FAM3D: variants seen among roughly 807,000 people sequenced by gnomAD.
FAM3D encodes the protein FAM3 metabolism regulating signaling molecule D, also known as protein FAM3D.
A neutral mutation model predicts 29.8 loss-of-function variants in FAM3D; 26 were observed. The observed-to-expected ratio is 0.87, with a 90% CI of 0.64 to 1.21. The LOEUF is 1.21. Among genes scored for constraint, FAM3D ranks in the 50% most tolerant of loss-of-function variants. FAM3D has a pLI of 0.00. For synonymous variants in FAM3D, 115 were observed against 102.3 expected (o/e 1.12, Z -0.75); for missense variants, 253 against 290.9 (o/e 0.87, Z 0.95).
At chr3:58,646,555 C>T (rs1288132570) in intron 4 of FAM3D, among the ~76,000 whole-genome samples, 1 of 152,162 alleles carries the variant, frequency 6.6e-6, no homozygotes, top group Non-Finnish European at 1.5e-5. Context: ...CTTTTTAGCA[C>T]CCGCTGACAG....
At chr3:58,639,517 C>CCATCTCCTGTTGCCCCTGTCCT (rs2066268425) in intron 7 of FAM3D, among the ~76,000 whole-genome samples, 1 of 152,188 alleles carries the variant, frequency 6.6e-6, no homozygotes, top group African/African-American at 2.4e-5. Context: ...TGGCCTGTCC[C>CCATCTCCTGTTGCCCCTGTCCT]CATCTCCTGT....
At chr3:58,658,307 A>G (rs139233839) in intron 1 of FAM3D, among the ~76,000 whole-genome samples, 354 of 152,320 alleles carry the variant, frequency 2.3e-3, no homozygotes, top group African/African-American at 8.3e-3. Flanking sequence ...GAAGGTTAGA[A>G]TGATTAAACC....
At chr3:58,640,800 G>C (rs1173441058) in intron 6 of FAM3D, among the ~76,000 whole-genome samples, 1 of 152,220 alleles carries the variant, frequency 6.6e-6, no homozygotes, top group African/African-American at 2.4e-5. Flanking sequence ...GCTCTCCGCC[G>C]CTAGATGGAG....
intron 1 of FAM3D, among the ~76,000 whole-genome samples, chr3:58,659,645 G>T (rs902650589): frequency 1.3e-5 from 2 of 152,190 alleles, no homozygotes; most frequent in Admixed American, 6.5e-5. Context: ...GCTCTCAAAG[G>T]CTTTCTTCGT....
At chr3:58,643,606 C>T (rs915572161) in intron 6 of FAM3D, 56 bp downstream of exon 6, 6 of 1,559,484 alleles carry the variant, frequency 3.8e-6, no homozygotes, top group African/African-American at 2.7e-5. Flanking sequence ...ATGCCGCTAC[C>T]CCCTACCCTC....
At chr3:58,661,725 A>G (rs149655081) in intron 1 of FAM3D, among the ~76,000 whole-genome samples, 141 of 152,270 alleles carry the variant, frequency 9.3e-4, no homozygotes, top group African/African-American at 3.3e-3. Context: ...ACGATCTCTA[A>G]TTTAGTGAAG....
At chr3:58,663,576 G>A (rs978944453) in intron 1 of FAM3D, among the ~76,000 whole-genome samples, 2 of 152,120 alleles carry the variant, frequency 1.3e-5, no homozygotes, top group South Asian at 2.1e-4. Context: ...AGAAAGACTC[G>A]GATTACACTC....
chr3:58,645,487 T>C (rs755679139), intron 5 of FAM3D, 22 bp downstream of exon 5: 1 of 1,092,142 alleles, frequency 9.2e-7, no homozygotes, highest in Admixed American at 2.4e-5. Context: ...AAAATAAACA[T>C]AGTTGTGTCT....
chr3:58,640,027 A>T, intron 7 of FAM3D, 100 bp downstream of exon 7: 1 of 1,299,246 alleles, frequency 7.7e-7, no homozygotes, highest in Non-Finnish European at 1.1e-6. Context: ...GGAAAGAAGC[A>T]CCAGGTACCT....
intron 1 of FAM3D, among the ~76,000 whole-genome samples, chr3:58,664,510 G>A (rs2066993023): frequency 6.6e-6 from 1 of 152,194 alleles, no homozygotes; most frequent in Non-Finnish European, 1.5e-5. Flanking sequence ...CACCTACTAC[G>A]TGGCAAGCAT....
chr3:58,639,323 G>GAGTGGA (rs2066262679), intron 7 of FAM3D, among the ~76,000 whole-genome samples: 1 of 152,152 alleles, frequency 6.6e-6, no homozygotes, highest in Non-Finnish European at 1.5e-5. Context: ...CAATTTTATG[G>GAGTGGA]AGTGGAAACT....
intron 1 of FAM3D, among the ~76,000 whole-genome samples, chr3:58,656,164 C>G (rs1426367958): frequency 6.6e-6 from 1 of 152,190 alleles, no homozygotes; most frequent in Admixed American, 6.5e-5. Flanking sequence ...GAAGCCCAAT[C>G]GATCTTTGTT....
chr3:58,655,151 G>A (rs536990429), intron 2 of FAM3D, among the ~76,000 whole-genome samples: 13 of 152,162 alleles, frequency 8.5e-5, no homozygotes, highest in Non-Finnish European at 1.9e-4. Context: ...TTTCGTGTCT[G>A]CTGCCTCAGT....
In FAM3D at chr3:58,655,580, G is replaced by A. The variant is rs746296158; in HGVS notation, c.-17C>T. ...CACTCTCATCCTGTCCAGGTGAAGG[G>A]TGGCTTGGGGTCAGCTTCCACCTAT... On this transcript the variant is annotated 5_prime_UTR_variant, in exon 2 of 10. Transcript: ENST00000358781. 3.1e-6 allele frequency: 5 copies of A among 1,612,922 alleles called. No homozygotes were observed. The highest frequency in any genetic ancestry group is 4.2e-6 in the Non-Finnish European group (5 of 1,179,502).
intron 6 of FAM3D, among the ~76,000 whole-genome samples, chr3:58,641,088 C>T (rs2066316647): frequency 6.6e-6 from 1 of 152,248 alleles, no homozygotes; most frequent in Admixed American, 6.5e-5. Flanking sequence ...TGAGGACTCT[C>T]TGCCCCACTA....
chr3:58,634,278 C>G lies in FAM3D; in HGVS notation c.*1G>C. ...CTGGCTGAGGAAGAGCCACAGCCAC[C>G]CTAAAATGGCTTCGGGGGCATGCAG... On this transcript the variant is annotated 3_prime_UTR_variant, in exon 10 of 10. Transcript: ENST00000358781. This position sits in a 1 kb window ranked among gnomAD's most constrained non-coding sequence, Gnocchi z 4.6. 1 of 1,613,744 alleles carries G rather than the reference C, an allele frequency of 6.2e-7. No individual in the cohort carries two copies. Among genetic ancestry groups the G allele is most frequent in the Non-Finnish European group, 8.5e-7 (1 of 1,179,900 alleles).
At chr3:58,642,183 C>T (rs1339002128) in intron 6 of FAM3D, among the ~76,000 whole-genome samples, 1 of 152,188 alleles carries the variant, frequency 6.6e-6, no homozygotes, top group Non-Finnish European at 1.5e-5. Context: ...CAGCCTCCTG[C>T]CACTCCCTGC....
At chr3:58,641,588 G>T (rs2066336889) in intron 6 of FAM3D, among the ~76,000 whole-genome samples, 1 of 152,062 alleles carries the variant, frequency 6.6e-6, no homozygotes, top group South Asian at 2.1e-4. Context: ...GGCTGTTCTT[G>T]AACTCCTGAG....
chr3:58,652,898 C>CTG (rs1553635905), intron 3 of FAM3D, among the ~76,000 whole-genome samples: 1 of 114,054 alleles, frequency 8.8e-6, no homozygotes, highest in African/African-American at 2.9e-5. Context: ...CCATCCATCT[C>CTG]TCCATCTACC....
Sources: gnomAD v4.1 joint callset for allele counts (sites outside exome capture counted in the v4.1 genomes callset) on GRCh38, gnomAD v4.1.1 for gene constraint, Gnocchi (gnomAD v3.1) non-coding constraint, MANE v1.5 for transcripts, NCBI Gene and HGNC (gene_info 2026-07-23, HGNC 2026-07-21) for gene names.